Variants in SEPTIN5 observed in about 807,000 individuals in gnomAD.
The protein encoded by SEPTIN5 is septin 5, also known as septin-5.
SEPTIN5 carries 16 observed loss-of-function variants against 51.2 expected under a neutral mutation model. The ratio of observed to expected loss-of-function variants is 0.31; its 90% CI spans 0.21 to 0.47. The LOEUF is 0.47. Among genes scored for constraint, SEPTIN5 ranks in the 20% least tolerant of loss-of-function variants. SEPTIN5 has a pLI of 0.99. For missense variants in SEPTIN5, 376 were observed against 500.3 expected, an observed-to-expected ratio of 0.75 and a Z score of 2.37; for synonymous variants, 208 against 191.2, an observed-to-expected ratio of 1.09 and a Z score of -0.72.
intron 2 of SEPTIN5, chr22:19,719,385 G>A: frequency 1.8e-6 from 1 of 557,072 alleles, no homozygotes; most frequent in African/African-American, 1.9e-5. Context: ...GCCCTCCCTG[G>A]GATTGGGGCC....
rs1935954176 is a variant in SEPTIN5, at chr22:19,718,556, GTCGACGATCCCCCGGGTAGGCGACGT to G, written c.55-1045_55-1020del. The G allele has an allele frequency of 2.3e-6, 3 of 1,288,118 alleles. No homozygotes were observed. In the South Asian group the frequency reaches 9.8e-5, roughly 42 times the overall value. 79.8% of individuals were successfully genotyped at this position (1,288,118 alleles called of 1,614,324 possible). ...GGGGATGGCTCGGTCGGCCTCGGGG[GTCGACGATCCCCCGGGTAGGCGACGT>G]GCCCTGTCCAGGCCTCACTTCCCGC... On this transcript the variant is annotated intron_variant, in intron 2 of 11. Transcript: ENST00000455784.
intron 2 of SEPTIN5, chr22:19,718,566 C>A: frequency 7.8e-7 from 1 of 1,289,528 alleles, no homozygotes. Flanking sequence ...GTCGACGATC[C>A]CCCGGGTAGG....
At position 19,722,748 on chromosome 22, in the gene SEPTIN5, GC is replaced by G; in HGVS notation, c.*269del. 1 of 542,250 alleles carries G rather than the reference GC, an allele frequency of 1.8e-6. No individual in the cohort carries two copies. 33.6% of individuals were successfully genotyped at this position (542,250 alleles called of 1,614,324 possible). A position where few individuals can be genotyped will look rare whatever the true frequency, so the allele number is the denominator to read the frequency against. Reference sequence around the variant, plus strand: ...GATCCGCCTCCCTTGCCCTTCCCCCGCCCCCGGACGGTCACAGCACCCAAAC... The same window carrying G: ...GATCCGCCTCCCTTGCCCTTCCCCCGCCCCGGACGGTCACAGCACCCAAAC... On this transcript the variant is annotated 3_prime_UTR_variant, in exon 12 of 12. Transcript: ENST00000455784.
At chr22:19,721,986 C>A in intron 10 of SEPTIN5, 29 bp downstream of exon 10, 1 of 1,589,110 alleles carries the variant, frequency 6.3e-7, no homozygotes, top group Non-Finnish European at 8.6e-7. Flanking sequence ...AGCCAGACCT[C>A]GCCCCTCTGG....
At chr22:19,720,092 T>C (rs944417816) in intron 4 of SEPTIN5, 23 bp from the exon 5 acceptor site, 4 of 1,612,672 alleles carry the variant, frequency 2.5e-6, no homozygotes, top group Admixed American at 3.3e-5. Flanking sequence ...GGAGAGGCCC[T>C]TCCAGTGGCC....
chr22:19,721,955 C>A lies in SEPTIN5; in HGVS notation c.948C>A (p.Thr316=), dbSNP rs755605587. Residue 316 remains threonine, a splice_region_variant and synonymous_variant, in exon 10 of 12, where the codon ACC becomes ACA. Transcript: ENST00000455784. ...GCGCGCACTGCATCCAGCAGATGAC[C>A]AGGTGCGCGCCCCAGCCGCGAGCCA... ...NYRAHCIQQM[T]SKLTQDSRME... The A allele has an allele frequency of 6.2e-7, 1 of 1,605,726 alleles. No individual in the cohort carries two copies. Among genetic ancestry groups the A allele is most frequent in the Admixed American group, 1.7e-5 (1 of 59,776 alleles).
intron 2 of SEPTIN5, chr22:19,718,652 C>G (rs1935956984): frequency 7.8e-7 from 1 of 1,287,152 alleles, no homozygotes. Flanking sequence ...CAGAGCCGCG[C>G]CAAGGTCCCT....
Position 19,722,578 on chromosome 22 carries a change from G to T in SEPTIN5, c.*94G>T. ...CCCGACCCGGAGACGCGGGGCCACA[G>T]CCCCCAGCTGACCCTAATTTATTCT... On this transcript the variant is annotated 3_prime_UTR_variant, in exon 12 of 12. Coordinates refer to ENST00000455784, the MANE Select transcript of SEPTIN5 (RefSeq NM_002688.6). 3.8e-6 allele frequency: 5 copies of T among 1,313,170 alleles called. No individual in the cohort carries two copies. Among genetic ancestry groups the T allele is most frequent in the Non-Finnish European group, 5.3e-6 (5 of 939,716 alleles). 81.3% of individuals were successfully genotyped at this position (1,313,170 alleles called of 1,614,324 possible).
chr22:19,716,593 C>G (rs747828121), intron 2 of SEPTIN5, among the ~76,000 whole-genome samples: 1 of 152,208 alleles, frequency 6.6e-6, no homozygotes, highest in African/African-American at 2.4e-5. Context: ...GTGGCAGGTA[C>G]GGCCCCTTCC....
intron 2 of SEPTIN5, chr22:19,718,909 G>T (rs1935964189): frequency 8.4e-7 from 1 of 1,196,162 alleles, no homozygotes. Context: ...GCCACGGCCC[G>T]CCAGCGCCTA....
intron 4 of SEPTIN5, 86 bp downstream of exon 4, chr22:19,719,978 C>T: frequency 1.2e-6 from 2 of 1,602,066 alleles, no homozygotes; most frequent in Admixed American, 1.7e-5. Context: ...GGTCCAGCTC[C>T]CACTGTTCTG....
In SEPTIN5 at chr22:19,720,473, G is replaced by C; in HGVS notation, c.497+19G>C. On this transcript the variant is annotated intron_variant, in intron 6 of 11. Coordinates refer to ENST00000455784, the MANE Select transcript of SEPTIN5 (RefSeq NM_002688.6). Reference sequence around the variant, plus strand: ...GGCATGGGTGTGTGGCTGTCCTGGGGCCAGGCTCGGGAGTGCAGCCCCTAC... The same window carrying C: ...GGCATGGGTGTGTGGCTGTCCTGGGCCCAGGCTCGGGAGTGCAGCCCCTAC... 1.2e-6 allele frequency: 2 copies of C among 1,613,230 alleles called. No individual in the cohort carries two copies. Among genetic ancestry groups the C allele is most frequent in the Non-Finnish European group, 1.7e-6 (2 of 1,179,674 alleles).
In SEPTIN5 at chr22:19,721,670, A is replaced by C. The variant is rs1229105124; in HGVS notation, c.748A>C (p.Asn250His). The C allele has an allele frequency of 2.5e-6, 4 of 1,612,750 alleles. No individual in the cohort carries two copies. Among genetic ancestry groups the C allele is most frequent in the Non-Finnish European group, 3.4e-6 (4 of 1,179,742 alleles). The change falls in exon 9 of 12, where the codon AAC becomes CAC. Residue 250 changes from asparagine (N) to histidine (H), a missense_variant. Asn to His is a moderately conservative substitution (Grantham distance 68, BLOSUM62 1). Around this residue, in one of 2 missense-constraint regions of SEPTIN5, gnomAD observed 287 missense variants for 417.1 expected, o/e 0.69. Transcript: ENST00000455784. ...ESAPFAVIGS[N>H]TVVEAKGQRV... ...CGCGCCCTTCGCCGTTATAGGCAGCAACACGGTGGTGGAGGCCAAGGGGCA... is the reference window on the plus strand; with the variant it reads ...CGCGCCCTTCGCCGTTATAGGCAGCCACACGGTGGTGGAGGCCAAGGGGCA...
Position 19,719,563 on chromosome 22 carries a change from A to G in SEPTIN5, c.55-39A>G, listed in dbSNP as rs1935983207. ...GAGACAGGGTATTGGGCTTCTGGAG[A>G]AACCTTTGTGTCCCTACCCTGTTCC... On this transcript the variant is annotated intron_variant, in intron 2 of 11. Coordinates refer to ENST00000455784, the MANE Select transcript of SEPTIN5 (RefSeq NM_002688.6). 3.2e-6 allele frequency: 5 copies of G among 1,544,954 alleles called. No homozygotes were observed. The African/African-American group carries it at 5.4e-5, about 17-fold the overall frequency.
At position 19,720,441 on chromosome 22, in the gene SEPTIN5, C is replaced by T. The variant is rs1476510712; in HGVS notation, c.484C>T (p.Pro162Ser). 2 of 1,613,724 alleles carry T rather than the reference C, an allele frequency of 1.2e-6. No individual in the cohort carries two copies. The highest frequency in any genetic ancestry group is 1.7e-6 in the Non-Finnish European group (2 of 1,179,980). Residue 162 changes from proline to serine, a missense_variant, in exon 6 of 12, where the codon CCC becomes TCC. Pro to Ser is a moderately conservative substitution (Grantham distance 74, BLOSUM62 -1). Around this residue, in one of 2 missense-constraint regions of SEPTIN5, gnomAD observed 287 missense variants for 417.1 expected, o/e 0.69. Transcript: ENST00000455784. ...RVHCCLYFISPFGHGLRPVDV... is the reference protein window; with the variant it reads ...RVHCCLYFISSFGHGLRPVDV... ...GCACTGCTGCCTATACTTCATCTCC[C>T]CCTTCGGGCATGGGTGTGTGGCTGT... is the stretch of plus-strand genomic sequence containing the variant.
At chr22:19,720,897 G>A in intron 8 of SEPTIN5, 28 bp downstream of exon 8, 1 of 1,590,144 alleles carries the variant, frequency 6.3e-7, no homozygotes, top group African/African-American at 1.3e-5. Context: ...TGGGGCAGGG[G>A]GGATGGAGCT....
chr22:19,722,485 C>T lies in SEPTIN5; in HGVS notation c.*1C>T, dbSNP rs757060798. On this transcript the variant is annotated 3_prime_UTR_variant, in exon 12 of 12. Transcript: ENST00000455784. ...GAAGCAGCAGATGCAGGACCAGTGA[C>T]GCTCGCCGCGGACACACCGTCCGTC... is the stretch of plus-strand genomic sequence containing the variant. 1.3e-6 allele frequency: 2 copies of T among 1,592,680 alleles called. No homozygotes were observed. Among genetic ancestry groups the T allele is most frequent in the South Asian group, 1.1e-5 (1 of 88,420 alleles).
At chr22:19,716,122 T>G (rs1021969949) in intron 2 of SEPTIN5, among the ~76,000 whole-genome samples, 4 of 152,186 alleles carry the variant, frequency 2.6e-5, no homozygotes, top group African/African-American at 9.7e-5. Context: ...GTGCCCATCG[T>G]TTGAGGTCAA....
rs1936009184 is a variant in SEPTIN5 at position 19,720,601 on chromosome 22, A to G, written c.550A>G (p.Ile184Val). The change falls in exon 7 of 12, where the codon ATC becomes GTC. Residue 184 changes from isoleucine (I) to valine (V), a missense_variant. By Grantham distance (29) the Ile-to-Val change is conservative (BLOSUM62 3). Around this residue, in one of 2 missense-constraint regions of SEPTIN5, gnomAD observed 287 missense variants for 417.1 expected, o/e 0.69. Transcript: ENST00000455784. Reference protein sequence around the residue: ...FMKALHEKVNIVPLIAKADCL... With the variant: ...FMKALHEKVNVVPLIAKADCL... Reference sequence around the variant, plus strand: ...GAAGGCATTGCATGAGAAGGTCAACATCGTGCCTCTCATCGCCAAAGCTGA... The same window carrying G: ...GAAGGCATTGCATGAGAAGGTCAACGTCGTGCCTCTCATCGCCAAAGCTGA... 1 of 1,612,958 alleles carries G rather than the reference A, an allele frequency of 6.2e-7. No homozygotes were observed. The highest frequency in any genetic ancestry group is 8.5e-7 in the Non-Finnish European group (1 of 1,180,016).
Sources: allele counts gnomAD v4.1 joint callset (sites outside exome capture counted in the v4.1 genomes callset), GRCh38; gene constraint gnomAD v4.1.1; regional missense constraint gnomAD v4.1.1; transcripts MANE v1.5; gene names NCBI Gene and HGNC (gene_info 2026-07-23, HGNC 2026-07-21).